Variants in RDH12 observed in about 807,000 individuals in gnomAD.
The protein encoded by RDH12 is retinol dehydrogenase 12, also known as all-trans and 9-cis retinol dehydrogenase.
A neutral mutation model predicts 34.0 loss-of-function variants in RDH12; 21 were observed. The observed-to-expected ratio is 0.62, with a 90% CI of 0.44 to 0.89. The LOEUF is 0.89. Among genes scored for constraint, RDH12 ranks in the 40% least tolerant of loss-of-function variants. The pLI, the probability that RDH12 is intolerant of heterozygous loss-of-function variation, is 0.00. For missense variants in RDH12, 394 were observed against 398.6 expected (o/e 0.99, Z 0.10); for synonymous variants, 198 against 169.9 (o/e 1.17, Z -1.29).
Position 67,734,192 on chromosome 14 carries a change from C to A in RDH12, c.*344C>A. On this transcript the variant is annotated 3_prime_UTR_variant, in exon 9 of 9. Transcript: ENST00000551171. ...TCCCTCATCAGCACCAGAGGCTCAGCTGAGGCAAGAAGAGCACCATCACTG... is the reference window on the plus strand; with the variant it reads ...TCCCTCATCAGCACCAGAGGCTCAGATGAGGCAAGAAGAGCACCATCACTG... 1 of 302,712 alleles carries A rather than the reference C, an allele frequency of 3.3e-6. No homozygotes were observed. The highest frequency in any genetic ancestry group is 6.6e-6 in the Non-Finnish European group (1 of 152,610). 18.8% of individuals were successfully genotyped at this position (302,712 alleles called of 1,614,324 possible). A position where few individuals can be genotyped will look rare whatever the true frequency, so the allele number is the denominator to read the frequency against.
At chr14:67,727,748 G>T in intron 7 of RDH12, 1 of 176,682 alleles carries the variant, frequency 5.7e-6, no homozygotes, top group Non-Finnish European at 1.2e-5. Flanking sequence ...TTTGGTAACA[G>T]GTATTATTAC....
intron 1 of RDH12, among the ~76,000 whole-genome samples, chr14:67,708,191 G>A (rs1469547728): frequency 1.3e-5 from 2 of 152,100 alleles, no homozygotes; most frequent in Non-Finnish European, 2.9e-5. Flanking sequence ...GCTGTAAATA[G>A]CTTAAAAGAA....
chr14:67,733,761 C>G lies in RDH12; in HGVS notation c.864C>G (p.Thr288=), dbSNP rs2038315948. Residue 288 remains threonine, a synonymous_variant, in exon 9 of 9, where the codon ACC becomes ACG. Transcript: ENST00000551171. ...SGKYFSDCKR[T]WVSPRARNNK... ...TGCCCTCCAGTGACTGCAAGAGGAC[C>G]TGGGTGTCTCCAAGGGCCCGAAATA... 2 of 1,613,016 alleles carry G rather than the reference C, an allele frequency of 1.2e-6. No homozygotes were observed. Among genetic ancestry groups the G allele is most frequent in the Admixed American group, 3.3e-5 (2 of 59,990 alleles).
chr14:67,733,636 G>A (rs575879800), intron 8 of RDH12, 110 bp from the exon 9 acceptor site: 4 of 731,480 alleles, frequency 5.5e-6, no homozygotes, highest in Non-Finnish European at 9.7e-6. Flanking sequence ...CTTTGAGTCT[G>A]GCATATATTG....
intron 8 of RDH12, among the ~76,000 whole-genome samples, chr14:67,732,361 C>G (rs2038290326): frequency 6.6e-6 from 1 of 150,926 alleles, no homozygotes; most frequent in South Asian, 2.1e-4. Context: ...TGGCTTCAGC[C>G]TGGGAGGTCA....
Position 67,725,095 on chromosome 14 carries a change from C to G in RDH12, c.188-4C>G, listed in dbSNP as rs900384433. The G allele has an allele frequency of 6.2e-7, 1 of 1,614,006 alleles. No individual in the cohort carries two copies. The highest frequency in any genetic ancestry group is 1.1e-5 in the South Asian group (1 of 91,084). ...ATACTGCTCTTTTTTTGTCTTGGAC[C>G]CAGGAGCCCGAGTCTATATTGCCTG... On this transcript the variant is annotated splice_region_variant and splice_polypyrimidine_tract_variant and intron_variant, in intron 4 of 8. Transcript: ENST00000551171.
intron 8 of RDH12, among the ~76,000 whole-genome samples, chr14:67,733,471 A>G (rs2038312015): frequency 6.6e-6 from 1 of 152,220 alleles, no homozygotes; most frequent in Non-Finnish European, 1.5e-5. Context: ...ATATCCTAGA[A>G]TGTCACTTCT....
chr14:67,714,155 A>C (rs1263631040), intron 1 of RDH12, among the ~76,000 whole-genome samples: 1 of 152,188 alleles, frequency 6.6e-6, no homozygotes, highest in Admixed American at 6.5e-5. Flanking sequence ...TTTACTTTTG[A>C]GACAGGGTCT....
chr14:67,721,495 C>T (rs1359523314), intron 2 of RDH12, among the ~76,000 whole-genome samples: 5 of 152,258 alleles, frequency 3.3e-5, no homozygotes, highest in Admixed American at 1.3e-4. Flanking sequence ...GATCCCCCTA[C>T]CTTGGGCTCT....
Position 67,733,778 on chromosome 14 carries a change from C to T in RDH12, c.881C>T (p.Ala294Val). 1 of 1,613,440 alleles carries T rather than the reference C, an allele frequency of 6.2e-7. No homozygotes were observed. The highest frequency in any genetic ancestry group is 1.1e-5 in the South Asian group (1 of 91,064). ...AAGAGGACCTGGGTGTCTCCAAGGG[C>T]CCGAAATAACAAAACAGCTGAGCGC... ...DCKRTWVSPR[A>V]RNNKTAERLW... is the part of the protein sequence containing the mutation. Residue 294 changes from alanine (A) to valine (V), a missense_variant, in exon 9 of 9, where the codon GCC becomes GTC. By Grantham distance (64) the Ala-to-Val change is moderately conservative. Transcript: ENST00000551171.
chr14:67,710,300 A>G (rs1434577329), intron 1 of RDH12, among the ~76,000 whole-genome samples: 2 of 152,224 alleles, frequency 1.3e-5, no homozygotes, highest in Non-Finnish European at 2.9e-5. Context: ...CACAAGAGAG[A>G]TACACAGATG....
intron 8 of RDH12, among the ~76,000 whole-genome samples, chr14:67,732,650 C>T (rs1012362207): frequency 2.0e-5 from 3 of 152,036 alleles, no homozygotes; most frequent in Admixed American, 6.5e-5. Context: ...GATCTCCACT[C>T]ACTGCAACCT....
rs2038320704 is a variant in RDH12, at chr14:67,733,984, C to A, written c.*136C>A. 5 of 662,048 alleles carry A rather than the reference C, an allele frequency of 7.6e-6. No homozygotes were observed. The highest frequency in any genetic ancestry group is 1.4e-5 in the Non-Finnish European group (5 of 361,110). The allele number at this position is 662,048 out of a possible 1,614,324, so 41.0% of individuals were successfully genotyped here. A position where few individuals can be genotyped will look rare whatever the true frequency, so the allele number is the denominator to read the frequency against. ...TCCTGCCTGCTCTGATCCTCTTGACCCTTCTGGGAATGTTTGCACACCTGA... is the reference window on the plus strand; with the variant it reads ...TCCTGCCTGCTCTGATCCTCTTGACACTTCTGGGAATGTTTGCACACCTGA... On this transcript the variant is annotated 3_prime_UTR_variant, in exon 9 of 9. Transcript: ENST00000551171.
rs1396872078 is a variant in RDH12, at chr14:67,733,868, T to C, written c.*20T>C. On this transcript the variant is annotated 3_prime_UTR_variant, in exon 9 of 9. Coordinates refer to ENST00000551171, the MANE Select transcript of RDH12 (RefSeq NM_152443.3). ...GAGTAGCTGGTGGAAGAGCTGCAGC[T>C]TTATCAGGCCCAATCCATGCCATAA... The C allele has an allele frequency of 6.4e-7, 1 of 1,559,176 alleles. No homozygotes were observed.
At chr14:67,709,010 C>G (rs1265647849) in intron 1 of RDH12, among the ~76,000 whole-genome samples, 4 of 152,152 alleles carry the variant, frequency 2.6e-5, no homozygotes, top group Non-Finnish European at 5.9e-5. Context: ...CCAGGATGGT[C>G]TCGATCTTTT....
At position 67,734,065 on chromosome 14, in the gene RDH12, C is replaced by T; in HGVS notation, c.*217C>T. On this transcript the variant is annotated 3_prime_UTR_variant, in exon 9 of 9. Coordinates refer to ENST00000551171, the MANE Select transcript of RDH12 (RefSeq NM_152443.3). ...TTGTGGACACCTATAGAGTGTTCTT[C>T]TCTAAGACCTGGAAAGTCAGCAACC... The T allele has an allele frequency of 2.3e-6, 1 of 426,418 alleles. No individual in the cohort carries two copies. The highest frequency in any genetic ancestry group is 2.0e-5 in the South Asian group (1 of 48,792). The allele number at this position is 426,418 out of a possible 1,614,324, so 26.4% of individuals were successfully genotyped here. A position where few individuals can be genotyped will look rare whatever the true frequency, so the allele number is the denominator to read the frequency against.
At chr14:67,703,115 T>C (rs542471741) in intron 1 of RDH12, among the ~76,000 whole-genome samples, 1 of 152,328 alleles carries the variant, frequency 6.6e-6, no homozygotes, top group African/African-American at 2.4e-5. Flanking sequence ...TCACCTCATC[T>C]GGCCCTTATA....
At position 67,733,913 on chromosome 14, in the gene RDH12, A is replaced by G; in HGVS notation, c.*65A>G. 1 of 1,211,904 alleles carries G rather than the reference A, an allele frequency of 8.3e-7. No homozygotes were observed. The highest frequency in any genetic ancestry group is 1.2e-6 in the Non-Finnish European group (1 of 821,658). The allele number at this position is 1,211,904 out of a possible 1,614,324, so 75.1% of individuals were successfully genotyped here. ...CCATAATGAACAGGGACCAAGGAGA[A>G]GGCCAACCCTAAAGGATTGTCCTCT... On this transcript the variant is annotated 3_prime_UTR_variant, in exon 9 of 9. Coordinates refer to ENST00000551171, the MANE Select transcript of RDH12 (RefSeq NM_152443.3).
At chr14:67,729,868 C>T (rs2038246160) in intron 8 of RDH12, 1 of 453,678 alleles carries the variant, frequency 2.2e-6, no homozygotes, top group African/African-American at 2.0e-5. Flanking sequence ...TTATCATGAA[C>T]TCAATGAGCA....
Sources: gnomAD v4.1 joint callset for allele counts (sites outside exome capture counted in the v4.1 genomes callset) on GRCh38, gnomAD v4.1.1 for gene constraint, MANE v1.5 for transcripts, NCBI Gene and HGNC (gene_info 2026-07-23, HGNC 2026-07-21) for gene names.